The following SLC20A2 variants were observed in gnomAD, a reference collection of about 807,000 sequenced individuals.
The protein encoded by SLC20A2 is sodium-dependent phosphate transporter 2.
In SLC20A2, 30 loss-of-function variants were observed where a neutral mutation model predicts 61.0. The ratio of observed to expected loss-of-function variants is 0.49; its 90% CI spans 0.37 to 0.67. SLC20A2 has a LOEUF of 0.67. SLC20A2 is among the 30% of genes least tolerant of loss of function. SLC20A2 has a pLI of 0.00. For synonymous variants in SLC20A2, 351 were observed against 353.3 expected, an observed-to-expected ratio of 0.99 and a Z score of 0.07; for missense variants, 626 against 866.4, an observed-to-expected ratio of 0.72 and a Z score of 3.48.
intron 1 of SLC20A2, among the ~76,000 whole-genome samples, chr8:42,493,329 TTCTTA>T (rs1315960175): frequency 6.6e-6 from 1 of 152,192 alleles, no homozygotes; most frequent in Non-Finnish European, 1.5e-5. Flanking sequence ...AGCCAGTACT[TTCTTA>T]AAGTGCTCTC....
intron 1 of SLC20A2, among the ~76,000 whole-genome samples, chr8:42,532,015 G>A (rs1196214181): frequency 6.7e-6 from 1 of 149,792 alleles, no homozygotes; most frequent in Non-Finnish European, 1.5e-5. Context: ...TTTTAGTAGA[G>A]ACGGGGTTTC....
chr8:42,416,631 A>G lies in SLC20A2; in HGVS notation c.*1172T>C, dbSNP rs948132492. ...CGTACTTCCTCCCTCCCGCTATCAA[A>G]AAAAGAAGAGACTCCAATGGGATGG... On this transcript the variant is annotated 3_prime_UTR_variant, in exon 11 of 11. Coordinates refer to ENST00000520262, the MANE Select transcript of SLC20A2 (RefSeq NM_001257180.2). 2.0e-5 allele frequency: 3 copies of G among 152,642 alleles called. No homozygotes were observed. The highest frequency in any genetic ancestry group is 4.4e-5 in the Non-Finnish European group (3 of 68,046). 9.5% of individuals were successfully genotyped at this position (152,642 alleles called of 1,614,324 possible).
At chr8:42,489,731 C>T (rs2131308370) in intron 1 of SLC20A2, among the ~76,000 whole-genome samples, 1 of 152,296 alleles carries the variant, frequency 6.6e-6, no homozygotes, top group East Asian at 1.9e-4. Flanking sequence ...GCACAAGCCA[C>T]TTAGTGGCCA....
At chr8:42,471,005 T>C (rs1420869403) in intron 2 of SLC20A2, 5 of 331,846 alleles carry the variant, frequency 1.5e-5, no homozygotes, top group Non-Finnish European at 2.3e-5. Flanking sequence ...AGAAAAAATG[T>C]AAGTGACAAA....
At chr8:42,531,194 C>T (rs1015693250) in intron 1 of SLC20A2, among the ~76,000 whole-genome samples, 8 of 152,194 alleles carry the variant, frequency 5.3e-5, no homozygotes, top group Non-Finnish European at 1.0e-4. Flanking sequence ...CAGGCTGGAC[C>T]TAGCACATCT....
intron 1 of SLC20A2, among the ~76,000 whole-genome samples, chr8:42,474,023 T>G (rs1807860033): frequency 6.6e-6 from 1 of 152,000 alleles, no homozygotes; most frequent in East Asian, 1.9e-4. Context: ...CTACAAAAAT[T>G]TGCTGGGCCT....
At chr8:42,512,077 C>T (rs1053972604) in intron 1 of SLC20A2, among the ~76,000 whole-genome samples, 3 of 152,042 alleles carry the variant, frequency 2.0e-5, no homozygotes, top group African/African-American at 7.2e-5. Flanking sequence ...TTGTAGACTG[C>T]GAAATAAAAG....
At chr8:42,508,420 C>T (rs1810846179) in intron 1 of SLC20A2, among the ~76,000 whole-genome samples, 1 of 152,248 alleles carries the variant, frequency 6.6e-6, no homozygotes, top group South Asian at 2.1e-4. Flanking sequence ...GACGGAGTCT[C>T]GCTCTGTAAC....
rs1585997682 is a variant in SLC20A2, at chr8:42,428,853, A to G, written c.1710-11T>C. 1.9e-6 allele frequency: 3 copies of G among 1,574,636 alleles called. No individual in the cohort carries two copies. The highest frequency in any genetic ancestry group is 2.6e-6 in the Non-Finnish European group (3 of 1,161,384). ...TCGATCGTGAAGCCGCTGTGGGGGG[A>G]GCATGAGACACGTCACAGGTGCCCT... On this transcript the variant is annotated splice_polypyrimidine_tract_variant and intron_variant, in intron 9 of 10. Transcript: ENST00000520262.
At chr8:42,524,180 C>T (rs1254036548) in intron 1 of SLC20A2, among the ~76,000 whole-genome samples, 1 of 152,118 alleles carries the variant, frequency 6.6e-6, no homozygotes, top group East Asian at 1.9e-4. Flanking sequence ...ATGATAAACA[C>T]AACTTCTGGA....
intron 5 of SLC20A2, among the ~76,000 whole-genome samples, chr8:42,451,981 G>A (rs1408044506): frequency 8.1e-6 from 1 of 123,628 alleles, no homozygotes; most frequent in Non-Finnish European, 1.7e-5. Context: ...AGATGAAGAG[G>A]AGGAGGAGGA....
chr8:42,461,090 G>C (rs546656174), intron 4 of SLC20A2, among the ~76,000 whole-genome samples: 1 of 152,200 alleles, frequency 6.6e-6, no homozygotes, highest in Non-Finnish European at 1.5e-5. Flanking sequence ...TTGTCAAGAG[G>C]CTCGAGTTGA....
intron 10 of SLC20A2, among the ~76,000 whole-genome samples, chr8:42,424,367 G>A (rs1490485438): frequency 6.6e-6 from 1 of 152,122 alleles, no homozygotes; most frequent in African/African-American, 2.4e-5. Context: ...CCAGGCTGAA[G>A]TGCAATGGTG....
chr8:42,504,678 C>T (rs1810528166), upstream of SLC20A2, among the ~76,000 whole-genome samples: 1 of 150,456 alleles, frequency 6.6e-6, no homozygotes, highest in Non-Finnish European at 1.5e-5. Context: ...CCTGTCTCTA[C>T]TAAAAATACA....
chr8:42,468,092 C>T (rs1308011399), intron 2 of SLC20A2, among the ~76,000 whole-genome samples: 5 of 151,872 alleles, frequency 3.3e-5, no homozygotes, highest in East Asian at 1.9e-4. Flanking sequence ...TTAGTAGAGA[C>T]GGGGTTTCAC....
intron 5 of SLC20A2, among the ~76,000 whole-genome samples, chr8:42,454,566 G>A (rs1453899346): frequency 1.3e-5 from 2 of 151,888 alleles, no homozygotes; most frequent in Admixed American, 1.3e-4. Context: ...TCAGGACTGG[G>A]AATAAATACT....
At chr8:42,423,152 G>C (rs1173601524) in intron 10 of SLC20A2, among the ~76,000 whole-genome samples, 1 of 151,826 alleles carries the variant, frequency 6.6e-6, no homozygotes, top group Admixed American at 6.6e-5. Flanking sequence ...ACACACATTT[G>C]GTTTTTATTA....
intron 4 of SLC20A2, among the ~76,000 whole-genome samples, 165 bp downstream of exon 4, chr8:42,462,840 G>C (rs1183206834): frequency 6.6e-6 from 1 of 152,122 alleles, no homozygotes; most frequent in African/African-American, 2.4e-5. Context: ...ATTTACCTTG[G>C]CTCTTTCTGG....
At chr8:42,532,713 T>C (rs1168225023) in intron 1 of SLC20A2, among the ~76,000 whole-genome samples, 2 of 151,814 alleles carry the variant, frequency 1.3e-5, no homozygotes, top group Non-Finnish European at 2.9e-5. Context: ...GAAAACAAAA[T>C]AAATGTGGAG....
Sources: gnomAD v4.1 joint callset for allele counts (sites outside exome capture counted in the v4.1 genomes callset) on GRCh38, gnomAD v4.1.1 for gene constraint, MANE v1.5 for transcripts, NCBI Gene and HGNC (gene_info 2026-07-23, HGNC 2026-07-21) for gene names.